The following ABCE1 variants were observed in gnomAD, a reference collection of about 807,000 sequenced individuals.
ABCE1 encodes the protein ATP binding cassette subfamily E member 1.
Under a neutral mutation model 83.4 loss-of-function variants are expected in ABCE1, and 22 were observed. That is an observed-to-expected ratio of 0.26 (90% CI 0.19 to 0.38). The LOEUF is 0.38. Ranked by LOEUF, ABCE1 falls within the 10% of genes least tolerant of loss-of-function variation. The probability of loss-of-function intolerance (pLI) is 1.00; values close to 1 mark genes in which losing one functional copy is unlikely to be tolerated. For missense variants in ABCE1, 330 were observed against 721.9 expected, an observed-to-expected ratio of 0.46 and a Z score of 6.22; for synonymous variants, 204 against 233.7, an observed-to-expected ratio of 0.87 and a Z score of 1.16.
intron 10 of ABCE1, among the ~76,000 whole-genome samples, 178 bp downstream of exon 10, chr4:145,117,592 T>C (rs1749638934): frequency 6.6e-6 from 1 of 151,852 alleles, no homozygotes; most frequent in African/African-American, 2.4e-5. Context: ...ACAAAATATA[T>C]TTTTTTCATT....
At position 145,101,799 on chromosome 4, in the gene ABCE1, G is replaced by T. The variant is rs112878632; in HGVS notation, c.-27-2587G>T. Among the ~76,000 whole-genome samples the T allele has an allele frequency of 5.6e-4, 85 of 152,300 alleles. 2 individuals are homozygous for T. The highest frequency in any genetic ancestry group is 1.8e-3 in the African/African-American group (75 of 41,572). On this transcript the variant is annotated intron_variant, in intron 1 of 17. Transcript: ENST00000296577. ...AATGGGCAAGACTGCTGAAATTTTG[G>T]TGAGGATATCAGGAGCTTAGTTGGG...
intron 1 of ABCE1, among the ~76,000 whole-genome samples, chr4:145,099,593 G>A (rs34799626): frequency 4.3e-4 from 65 of 152,214 alleles, no homozygotes; most frequent in African/African-American, 1.5e-3. Context: ...GGGAGAGAGG[G>A]GGAGAAAACA....
intron 8 of ABCE1, 134 bp downstream of exon 8, chr4:145,111,198 G>A (rs573976876): frequency 1.5e-4 from 81 of 553,418 alleles, no homozygotes; most frequent in Admixed American, 7.4e-4. Context: ...GAGGTAAGAT[G>A]TTGAAGCAGT....
At chr4:145,114,579 G>T (rs905692990) in intron 9 of ABCE1, among the ~76,000 whole-genome samples, 1 of 151,692 alleles carries the variant, frequency 6.6e-6, no homozygotes, top group Non-Finnish European at 1.5e-5. Context: ...GACTTATAAC[G>T]AATAAATTTA....
At chr4:145,123,839 G>A (rs1749805522) in intron 16 of ABCE1, 2 of 291,346 alleles carry the variant, frequency 6.9e-6, no homozygotes. Context: ...ATAAAAAGCT[G>A]TGGGCCCCTC....
In ABCE1 at chr4:145,099,288, G is replaced by A. The variant is rs991792502; in HGVS notation, c.-28+869G>A. On this transcript the variant is annotated intron_variant, in intron 1 of 17. Coordinates refer to ENST00000296577, the MANE Select transcript of ABCE1 (RefSeq NM_002940.3). The stretch of plus-strand genomic sequence containing the variant: ...TTTTGATGGTAAAAATCTATAAGAG[G>A]AAGAACTGTCCAAATAACATGTTTT... Among the ~76,000 whole-genome samples the A allele has an allele frequency of 3.9e-5, 6 of 152,222 alleles. No individual in the cohort carries two copies. In the East Asian group the frequency reaches 1.2e-3, roughly 29 times the overall value.
intron 16 of ABCE1, 68 bp downstream of exon 16, chr4:145,123,668 C>T (rs1749801179): frequency 4.2e-6 from 6 of 1,432,158 alleles, no homozygotes; most frequent in African/African-American, 2.9e-5. Context: ...TAAAGTCACT[C>T]ACTTTAATTT....
intron 1 of ABCE1, among the ~76,000 whole-genome samples, chr4:145,101,189 T>A (rs544384542): frequency 8.2e-4 from 125 of 152,270 alleles, no homozygotes; most frequent in African/African-American, 2.9e-3. Context: ...ATTGTGGTAG[T>A]GTAGTTACAA....
chr4:145,113,171 A>G (rs1314655886), intron 9 of ABCE1, among the ~76,000 whole-genome samples: 1 of 152,226 alleles, frequency 6.6e-6, no homozygotes, highest in Non-Finnish European at 1.5e-5. Context: ...ATGGGCAAGA[A>G]GCAAGGTCTA....
intron 3 of ABCE1, among the ~76,000 whole-genome samples, chr4:145,105,965 T>G (rs955595098): frequency 7.9e-5 from 12 of 151,968 alleles, no homozygotes; most frequent in African/African-American, 2.9e-4. Flanking sequence ...ATAAGGACAT[T>G]ACCATCACAT....
intron 17 of ABCE1, among the ~76,000 whole-genome samples, chr4:145,126,175 A>G (rs369245364): frequency 6.6e-6 from 1 of 152,324 alleles, no homozygotes; most frequent in Non-Finnish European, 1.5e-5. Flanking sequence ...TGCACCCTAC[A>G]GTTGATTTCC....
intron 10 of ABCE1, among the ~76,000 whole-genome samples, chr4:145,117,796 A>G (rs913789280): frequency 2.0e-5 from 3 of 151,750 alleles, no homozygotes; most frequent in Admixed American, 2.0e-4. Flanking sequence ...TCTTGTTTTC[A>G]TGTTTTAAAT....
chr4:145,111,158 A>C (rs1210011628), intron 8 of ABCE1, 94 bp downstream of exon 8: 1 of 784,480 alleles, frequency 1.3e-6, no homozygotes, highest in East Asian at 2.8e-5. Flanking sequence ...GAGAGAAATT[A>C]ATAGAAATAG....
At chr4:145,109,344 C>A in intron 5 of ABCE1, 95 bp downstream of exon 5, 3 of 630,434 alleles carry the variant, frequency 4.8e-6, no homozygotes, top group Non-Finnish European at 5.0e-6. Context: ...TTCTTATTTT[C>A]AAAATTATTT....
In ABCE1 at chr4:145,104,445, C is replaced by T; in HGVS notation, c.33C>T (p.Val11=). 6.2e-7 allele frequency: 1 copy of T among 1,601,298 alleles called. No individual in the cohort carries two copies. MADKLTRIAI[V]NHDKCKPKKC... is the part of the protein sequence containing the mutation. Reference sequence around the variant, plus strand: ...ACAAGTTAACGAGAATTGCTATTGTCAACCATGACAAATGTAAACCTAAGA... The same window carrying T: ...ACAAGTTAACGAGAATTGCTATTGTTAACCATGACAAATGTAAACCTAAGA... The change falls in exon 2 of 18, where the codon GTC becomes GTT. Residue 11 remains valine (V), a synonymous_variant. Transcript: ENST00000296577.
intron 1 of ABCE1, among the ~76,000 whole-genome samples, chr4:145,100,851 T>A (rs912905138): frequency 1.3e-5 from 2 of 152,230 alleles, no homozygotes; most frequent in Non-Finnish European, 2.9e-5. Context: ...AATTATTTAC[T>A]ATATTTAAAT....
At chr4:145,116,279 TC>T (rs1370640036) in intron 9 of ABCE1, among the ~76,000 whole-genome samples, 3 of 151,896 alleles carry the variant, frequency 2.0e-5, no homozygotes, top group African/African-American at 7.2e-5. Context: ...GTGATTAATT[TC>T]ATTTGGAATT....
At chr4:145,111,788 C>G (rs1749483310) in intron 8 of ABCE1, among the ~76,000 whole-genome samples, 1 of 152,200 alleles carries the variant, frequency 6.6e-6, no homozygotes, top group Admixed American at 6.5e-5. Context: ...TTTAGTGTCT[C>G]TCCTCCCAGA....
chr4:145,123,379 A>G (rs762352217), intron 15 of ABCE1, 22 bp downstream of exon 15: 3 of 1,596,624 alleles, frequency 1.9e-6, no homozygotes, highest in Admixed American at 3.4e-5. Flanking sequence ...GCTCCTAGCC[A>G]TATTTTGATT....
Sources: allele counts gnomAD v4.1 joint callset (sites outside exome capture counted in the v4.1 genomes callset), GRCh38; gene constraint gnomAD v4.1.1; transcripts MANE v1.5; gene names NCBI Gene and HGNC (gene_info 2026-07-23, HGNC 2026-07-21).